TMEM230: variants seen among roughly 807,000 people sequenced by gnomAD.
TMEM230 encodes the protein UPF0414 transmembrane protein C20orf30.
TMEM230 carries 10 observed loss-of-function variants against 15.8 expected under a neutral mutation model. The observed-to-expected ratio is 0.63, with a 90% confidence interval of 0.39 to 1.07. TMEM230 has a LOEUF of 1.07. TMEM230 is among the 50% of genes least tolerant of loss of function. TMEM230 has a pLI of 0.01. For synonymous variants in TMEM230, 67 were observed against 76.9 expected (o/e 0.87, Z 0.68); for missense variants, 165 against 193.3 (o/e 0.85, Z 0.87).
At chr20:5,109,982 T>C (rs1600417904) in intron 2 of TMEM230, among the ~76,000 whole-genome samples, 1 of 152,210 alleles carries the variant, frequency 6.6e-6, no homozygotes, top group Admixed American at 6.5e-5. Context: ...TTCCCCTTGA[T>C]AGAGATCAAC....
chr20:5,105,998 T>TA (rs1184458970), intron 4 of TMEM230, among the ~76,000 whole-genome samples, 190 bp downstream of exon 3: 2 of 149,616 alleles, frequency 1.3e-5, no homozygotes, highest in Non-Finnish European at 3.0e-5. Flanking sequence ...CCCAGGGAGG[T>TA]AAAGGTTGTG....
chr20:5,077,369 T>C (rs1349288784), intron 3 of TMEM230, among the ~76,000 whole-genome samples: 1 of 152,122 alleles, frequency 6.6e-6, no homozygotes, highest in Non-Finnish European at 1.5e-5. Flanking sequence ...TCTGACAGGC[T>C]ATCCTAAATG....
At chr20:5,064,753 A>T (rs2088636033), downstream of TMEM230, among the ~76,000 whole-genome samples, 1 of 152,218 alleles carries the variant, frequency 6.6e-6, no homozygotes, top group Non-Finnish European at 1.5e-5. Flanking sequence ...TGCTAATTCA[A>T]TGAAGGAAAA....
rs538779746 is a variant in TMEM230 at position 5,099,898 on chromosome 20, T to G, written c.*893A>C. On this transcript the variant is annotated 3_prime_UTR_variant, in exon 5 of 5. Transcript: ENST00000342308. ...TTCTAGGATTTGGATTTCAACATTT[T>G]AATTTCTTTGGAATATAAGTCACTT... 18 of 982,436 alleles carry G rather than the reference T, an allele frequency of 1.8e-5. No individual in the cohort carries two copies. In the Middle Eastern group the frequency reaches 1.6e-3, roughly 86 times the overall value. The allele number at this position is 982,436 out of a possible 1,614,324, so 60.9% of individuals were successfully genotyped here. A position where few individuals can be genotyped will look rare whatever the true frequency, so the allele number is the denominator to read the frequency against.
downstream of TMEM230, among the ~76,000 whole-genome samples, chr20:5,063,935 T>C (rs1263125814): frequency 1.3e-5 from 2 of 152,052 alleles, no homozygotes; most frequent in African/African-American, 4.8e-5. Context: ...AAGTGGTACT[T>C]AGGAAAATGC....
At chr20:5,111,433 A>G (rs1457498548) in intron 2 of TMEM230, 4 of 163,524 alleles carry the variant, frequency 2.4e-5, no homozygotes, top group Non-Finnish European at 5.5e-5. Context: ...ATATGGGGAA[A>G]CCCTGTCTCT....
chr20:5,098,663 T>C (rs1402048138), downstream of TMEM230, among the ~76,000 whole-genome samples: 1 of 152,164 alleles, frequency 6.6e-6, no homozygotes, highest in Non-Finnish European at 1.5e-5. Flanking sequence ...AGGAGATTCC[T>C]ACCCCAGGTA....
At chr20:5,110,164 C>T (rs1178456942) in intron 2 of TMEM230, among the ~76,000 whole-genome samples, 2 of 148,908 alleles carry the variant, frequency 1.3e-5, no homozygotes, top group Non-Finnish European at 3.0e-5. Context: ...TCAAACGATT[C>T]TCCTGCCTCA....
intron 2 of TMEM230, among the ~76,000 whole-genome samples, chr20:5,110,374 T>A (rs2090265310): frequency 6.6e-6 from 1 of 151,896 alleles, no homozygotes. Flanking sequence ...TGCCTCTGCC[T>A]CCTGGGTTCA....
At chr20:5,105,321 T>C (rs1464767037) in intron 4 of TMEM230, among the ~76,000 whole-genome samples, 1 of 151,578 alleles carries the variant, frequency 6.6e-6, no homozygotes, top group Non-Finnish European at 1.5e-5. Context: ...TATGTATGTG[T>C]ATATGTATAT....
downstream of TMEM230, among the ~76,000 whole-genome samples, chr20:5,098,203 A>G (rs1176711153): frequency 2.0e-5 from 3 of 150,918 alleles, no homozygotes; most frequent in Admixed American, 6.6e-5. Flanking sequence ...TCAAACTCCC[A>G]AACTCAGGTG....
chr20:5,111,506 G>A lies in TMEM230; in HGVS notation c.168C>T (p.Ala56=). The A allele has an allele frequency of 5.1e-6, 1 of 197,034 alleles. No individual in the cohort carries two copies. The highest frequency in any genetic ancestry group is 5.4e-5 in the South Asian group (1 of 18,562). 12.2% of individuals were successfully genotyped at this position (197,034 alleles called of 1,614,324 possible). Reference sequence around the variant, plus strand: ...TGCCTGTAGTCCCACCTACTCGGGAGGCTGAAGCAGAAGAATCGCTTGAAG... The same window carrying A: ...TGCCTGTAGTCCCACCTACTCGGGAAGCTGAAGCAGAAGAATCGCTTGAAG... Residue 56 remains alanine, a synonymous_variant, in exon 2 of 5, where the codon GCC becomes GCT. Transcript: ENST00000342308.
chr20:5,105,956 CT>C (rs1227718000), intron 4 of TMEM230, among the ~76,000 whole-genome samples: 1 of 152,024 alleles, frequency 6.6e-6, no homozygotes, highest in Non-Finnish European at 1.5e-5. Flanking sequence ...GTCCCAGCTA[CT>C]CGGGAGGCTG....
downstream of TMEM230, among the ~76,000 whole-genome samples, chr20:5,065,927 G>A (rs1231133916): frequency 1.3e-5 from 2 of 152,192 alleles, no homozygotes; most frequent in Admixed American, 6.5e-5. Context: ...TGGAATGACC[G>A]GGGAAGCAGG....
downstream of TMEM230, chr20:5,067,435 A>C (rs1229859752): frequency 6.2e-4 from 16 of 25,928 alleles, no homozygotes; most frequent in Admixed American, 7.1e-3. Flanking sequence ...ATATATATAT[A>C]TATATATATA....
intron 3 of TMEM230, among the ~76,000 whole-genome samples, chr20:5,090,652 AAAG>A (rs762369383): frequency 7.2e-5 from 11 of 152,308 alleles, no homozygotes; most frequent in Non-Finnish European, 1.2e-4. Flanking sequence ...GTCAGAAGGA[AAAG>A]AAGTCATACT....
downstream of TMEM230, among the ~76,000 whole-genome samples, chr20:5,095,159 C>T (rs775635671): frequency 6.6e-6 from 1 of 152,150 alleles, no homozygotes; most frequent in Non-Finnish European, 1.5e-5. Flanking sequence ...AACTTTAACC[C>T]TCAGGTTGGA....
chr20:5,064,584 A>G (rs192420041), downstream of TMEM230, among the ~76,000 whole-genome samples: 225 of 152,276 alleles, frequency 1.5e-3, no homozygotes, highest in Non-Finnish European at 3.0e-3. Context: ...CTCAAAATAA[A>G]AAAAGACTGA....
chr20:5,102,090 A>G (rs1022207947), intron 4 of TMEM230, among the ~76,000 whole-genome samples: 1 of 152,240 alleles, frequency 6.6e-6, no homozygotes, highest in Admixed American at 6.5e-5. Flanking sequence ...AAACTGTCTA[A>G]TATCTCAGAG....
Sources: gnomAD v4.1 joint callset for allele counts (sites outside exome capture counted in the v4.1 genomes callset) on GRCh38, gnomAD v4.1.1 for gene constraint, MANE v1.5 for transcripts, NCBI Gene and HGNC (gene_info 2026-07-23, HGNC 2026-07-21) for gene names.